The following INPP4A variants were observed in gnomAD, a reference collection of about 807,000 sequenced individuals.
INPP4A encodes the protein inositol polyphosphate-4-phosphatase, type I, 107kD.
In INPP4A, 33 loss-of-function variants were observed where a neutral mutation model predicts 119.8. The observed-to-expected ratio is 0.28, with a 90% CI of 0.21 to 0.37. The LOEUF (loss-of-function observed/expected upper bound fraction) is 0.37, where lower values mean the gene tolerates loss of function less well. Among genes scored for constraint, INPP4A ranks in the 10% least tolerant of loss-of-function variants. The probability of loss-of-function intolerance (pLI) is 1.00; values close to 1 mark genes in which losing one functional copy is unlikely to be tolerated. For missense variants in INPP4A, 956 were observed against 1,289.9 expected, an observed-to-expected ratio of 0.74 and a Z score of 3.97; for synonymous variants, 496 against 500.7, an observed-to-expected ratio of 0.99 and a Z score of 0.12.
In INPP4A at chr2:98,566,230, G is replaced by T. The variant is rs140846661; in HGVS notation, c.2420+61G>T. 518 of 1,485,546 alleles carry T rather than the reference G, an allele frequency of 3.5e-4. 1 individual carries two copies. In the African/African-American group the frequency reaches 6.1e-3, roughly 18 times the overall value. 92.0% of individuals were successfully genotyped at this position (1,485,546 alleles called of 1,614,324 possible). ...TGGCCCTGGAGATGATGCAGAAAAC[G>T]TACTTACCCCTCTTCAGGCTCTAAG... On this transcript the variant is annotated intron_variant, in intron 21 of 24. Coordinates refer to ENST00000409851, the MANE Select transcript of INPP4A (RefSeq NM_001134225.2). This position sits in a 1 kb window ranked among gnomAD's most constrained non-coding sequence, Gnocchi z 4.2.
At position 98,507,693 on chromosome 2, in the gene INPP4A, C is replaced by T. The variant is rs576026747; in HGVS notation, c.-165-11271C>T. Among the ~76,000 whole-genome samples, 19 of 152,260 alleles carry T rather than the reference C, an allele frequency of 1.2e-4. No homozygotes were observed. In the South Asian group the frequency reaches 3.7e-3, roughly 30 times the overall value. ...AAGTTGGGGGCTGTCTCAGCTCCCACCATGTGGACTGGCTCATTTGCAGAG... is the reference window on the plus strand; with the variant it reads ...AAGTTGGGGGCTGTCTCAGCTCCCATCATGTGGACTGGCTCATTTGCAGAG... On this transcript the variant is annotated intron_variant, in intron 1 of 24. Coordinates refer to ENST00000409851, the MANE Select transcript of INPP4A (RefSeq NM_001134225.2).
chr2:98,568,833 T>TCC lies in INPP4A; in HGVS notation c.2518+167_2518+168dup. ...ACACGCAGAGAGAGAGAGAGAAGCT[T>TCC]CCCTTGGCTGTGGCCCTCATTCATC... On this transcript the variant is annotated intron_variant, in intron 22 of 24. Coordinates refer to ENST00000409851, the MANE Select transcript of INPP4A (RefSeq NM_001134225.2). 1.5e-5 allele frequency: 9 copies of TCC among 589,672 alleles called. No individual in the cohort carries two copies. The South Asian group carries it at 1.9e-4, about 12-fold the overall frequency. 36.5% of individuals were successfully genotyped at this position (589,672 alleles called of 1,614,324 possible). A position where few individuals can be genotyped will look rare whatever the true frequency, so the allele number is the denominator to read the frequency against.
intron 1 of INPP4A, among the ~76,000 whole-genome samples, chr2:98,487,168 T>G (rs1679733310): frequency 1.3e-5 from 2 of 152,342 alleles, no homozygotes; most frequent in South Asian, 4.1e-4. Flanking sequence ...TTGTAGTGTG[T>G]TAATTGTAAC....
At chr2:98,460,237 C>G (rs1212422096) in intron 1 of INPP4A, among the ~76,000 whole-genome samples, 1 of 152,100 alleles carries the variant, frequency 6.6e-6, no homozygotes, top group Non-Finnish European at 1.5e-5. Context: ...AGGGTAGGGG[C>G]ACCCAGGAAA....
intron 17 of INPP4A, 137 bp from the exon 18 acceptor site, chr2:98,563,328 A>G: frequency 1.2e-6 from 1 of 827,654 alleles, no homozygotes; most frequent in Non-Finnish European, 1.9e-6. Flanking sequence ...TTGGTTCCAG[A>G]CAGAGCTGGA....
intron 16 of INPP4A, among the ~76,000 whole-genome samples, chr2:98,557,089 G>A (rs193265064): frequency 8.8e-4 from 134 of 152,310 alleles, no homozygotes; most frequent in Admixed American, 3.4e-3. Flanking sequence ...AAATGTGGGA[G>A]CTAGTTTATT....
intron 1 of INPP4A, among the ~76,000 whole-genome samples, chr2:98,464,828 C>A (rs1398616339): frequency 6.6e-6 from 1 of 152,216 alleles, no homozygotes; most frequent in Non-Finnish European, 1.5e-5. Flanking sequence ...TTATATGTGA[C>A]AAGCCGAGAG....
intron 1 of INPP4A, among the ~76,000 whole-genome samples, chr2:98,494,552 G>C (rs930220103): frequency 5.9e-5 from 9 of 151,944 alleles, no homozygotes; most frequent in African/African-American, 2.2e-4. Flanking sequence ...ATAACAGAAA[G>C]CTCTGAAGCT....
rs561450026 is a variant in INPP4A at position 98,570,191 on chromosome 2, C to G, written c.2518+1523C>G. The stretch of plus-strand genomic sequence containing the variant: ...GAGTGCAGCACTGGCCCCAGCTGAG[C>G]TGATGACATGGGCAAATGACTTGTG... On this transcript the variant is annotated intron_variant, in intron 22 of 24. Transcript: ENST00000409851. This position sits in a 1 kb window ranked among gnomAD's most constrained non-coding sequence, Gnocchi z 4.3. Among the ~76,000 whole-genome samples, 3 of 152,306 alleles carry G rather than the reference C, an allele frequency of 2.0e-5. No homozygotes were observed. The highest frequency in any genetic ancestry group is 1.5e-5 in the Non-Finnish European group (1 of 68,018).
chr2:98,547,098 A>AG (rs1392271528), intron 13 of INPP4A, among the ~76,000 whole-genome samples: 1 of 152,216 alleles, frequency 6.6e-6, no homozygotes, highest in African/African-American at 2.4e-5. Flanking sequence ...TGAAACATTC[A>AG]GGGGGCTGTA....
intron 16 of INPP4A, among the ~76,000 whole-genome samples, chr2:98,558,866 T>G (rs1165325429): frequency 2.0e-5 from 3 of 152,210 alleles, no homozygotes; most frequent in Non-Finnish European, 4.4e-5. Context: ...ACATTCTAAT[T>G]GGAGACTACC....
At chr2:98,490,725 GC>G (rs1680552772) in intron 1 of INPP4A, among the ~76,000 whole-genome samples, 1 of 152,150 alleles carries the variant, frequency 6.6e-6, no homozygotes, top group African/African-American at 2.4e-5. Context: ...TGACGCCTGG[GC>G]CTCCGAGTAG....
At chr2:98,449,607 G>A (rs1694878629) in intron 1 of INPP4A, among the ~76,000 whole-genome samples, 1 of 152,136 alleles carries the variant, frequency 6.6e-6, no homozygotes. Flanking sequence ...AAAGAGTCCT[G>A]GTTTCCTTTA....
At position 98,568,596 on chromosome 2, in the gene INPP4A, G is replaced by A. The variant is rs1368411873; in HGVS notation, c.2446G>A (p.Val816Ile). ...ERFGDTSLQE[V>I]INVESLVRLN... ...GTTTGGCGATACGTCTTTACAAGAA[G>A]TCATCAACGTGGAGAGTTTGGTGCG... Residue 816 changes from valine to isoleucine, a missense_variant, in exon 22 of 25, where the codon GTC (valine) becomes ATC (isoleucine). Physicochemically the swap from Val to Ile is conservative, Grantham distance 29. Transcript: ENST00000409851. 31 of 1,601,210 alleles carry A rather than the reference G, an allele frequency of 1.9e-5. No individual in the cohort carries two copies. The highest frequency in any genetic ancestry group is 2.6e-5 in the Non-Finnish European group (30 of 1,172,748).
intron 13 of INPP4A, chr2:98,552,526 C>G: frequency 1.7e-6 from 1 of 594,388 alleles, no homozygotes; most frequent in South Asian, 1.5e-5. Flanking sequence ...CATACATTTA[C>G]ATACACAAGT....
At chr2:98,577,235 C>G in intron 24 of INPP4A, 92 bp downstream of exon 24, 1 of 1,335,806 alleles carries the variant, frequency 7.5e-7, no homozygotes, top group Non-Finnish European at 1.0e-6. Flanking sequence ...GCAGGGCCTA[C>G]CCTGCATGAG....
At chr2:98,525,909 G>A (rs1688100258) in intron 4 of INPP4A, among the ~76,000 whole-genome samples, 1 of 152,040 alleles carries the variant, frequency 6.6e-6, no homozygotes, top group South Asian at 2.1e-4. Flanking sequence ...CAAACACATT[G>A]GAAAACTGTT....
intron 13 of INPP4A, among the ~76,000 whole-genome samples, chr2:98,551,271 A>G (rs568627870): frequency 3.3e-5 from 5 of 152,278 alleles, no homozygotes; most frequent in African/African-American, 9.6e-5. Flanking sequence ...TTAAAATCCT[A>G]TTTTGAGATT....
intron 13 of INPP4A, chr2:98,548,892 T>C (rs1412463119): frequency 2.0e-6 from 3 of 1,503,664 alleles, no homozygotes; most frequent in African/African-American, 2.8e-5. Flanking sequence ...TAATTTTTTG[T>C]TTTTGCATTT....
Sources: allele counts gnomAD v4.1 joint callset (sites outside exome capture counted in the v4.1 genomes callset), GRCh38; gene constraint gnomAD v4.1.1; non-coding constraint Gnocchi (gnomAD v3.1); transcripts MANE v1.5; gene names NCBI Gene and HGNC (gene_info 2026-07-23, HGNC 2026-07-21).